The following LUZP2 variants were observed in gnomAD, a reference collection of about 807,000 sequenced individuals.
LUZP2 encodes the protein leucine zipper protein 2.
LUZP2 carries 52 observed loss-of-function variants against 51.6 expected under a neutral mutation model. The observed-to-expected ratio is 1.01, with a 90% confidence interval of 0.81 to 1.27. The LOEUF (loss-of-function observed/expected upper bound fraction) is 1.27, where lower values mean the gene tolerates loss of function less well. Ranked by LOEUF, LUZP2 falls within the 50% of genes most tolerant of loss-of-function variation. LUZP2 has a pLI of 0.00. For synonymous variants in LUZP2, 154 were observed against 137.3 expected (o/e 1.12, Z -0.85); for missense variants, 436 against 395.4 (o/e 1.10, Z -0.87).
chr11:24,603,344 C>T (rs778279155), intron 1 of LUZP2, among the ~76,000 whole-genome samples: 15 of 151,874 alleles, frequency 9.9e-5, no homozygotes, highest in Non-Finnish European at 1.8e-4. Context: ...GAAGAGAAGA[C>T]GATTTTCTAG....
intron 7 of LUZP2, among the ~76,000 whole-genome samples, chr11:24,922,167 G>A (rs1854083043): frequency 6.6e-6 from 1 of 152,008 alleles, no homozygotes. Flanking sequence ...TATATCATTG[G>A]ATTAAAATAC....
intron 1 of LUZP2, among the ~76,000 whole-genome samples, chr11:24,694,238 A>G (rs542966612): frequency 1.5e-4 from 23 of 151,624 alleles, no homozygotes; most frequent in African/African-American, 5.1e-4. Context: ...ATATTCTTCC[A>G]ATACATTATG....
At chr11:24,508,882 G>T (rs1850218760) in intron 1 of LUZP2, among the ~76,000 whole-genome samples, 1 of 151,988 alleles carries the variant, frequency 6.6e-6, no homozygotes, top group Non-Finnish European at 1.5e-5. Flanking sequence ...ATTAAAAAGG[G>T]GTAGAGATGA....
At chr11:24,612,363 G>C (rs974164341) in intron 1 of LUZP2, among the ~76,000 whole-genome samples, 2 of 152,014 alleles carry the variant, frequency 1.3e-5, no homozygotes, top group African/African-American at 4.8e-5. Context: ...CAAAATTCTA[G>C]AGTTGACTAA....
chr11:24,970,686 A>C (rs1855714768), intron 7 of LUZP2, among the ~76,000 whole-genome samples: 1 of 152,160 alleles, frequency 6.6e-6, no homozygotes, highest in African/African-American at 2.4e-5. Context: ...ACACAGTTAT[A>C]CCTTCATGTT....
chr11:24,999,806 T>C (rs1856626502), intron 9 of LUZP2, among the ~76,000 whole-genome samples: 1 of 152,336 alleles, frequency 6.6e-6, no homozygotes, highest in East Asian at 1.9e-4. Context: ...GTTGTTGGTC[T>C]CACTGACTTC....
rs187914366 is a variant in LUZP2 at position 24,898,601 on chromosome 11, C to T, written c.397-7390C>T. On this transcript the variant is annotated intron_variant, in intron 5 of 11. Transcript: ENST00000336930. The stretch of plus-strand genomic sequence containing the variant: ...TCGTGCCACTGTACTCCAGCCTGTG[C>T]GACAGAGCAAGACTCTGTGTCAGGA... Among the ~76,000 whole-genome samples, 121 of 149,332 alleles carry T rather than the reference C, an allele frequency of 8.1e-4. 1 individual carries two copies. Among genetic ancestry groups the T allele is most frequent in the African/African-American group, 2.7e-3 (109 of 40,410 alleles).
At chr11:24,520,099 G>A (rs1850596400) in intron 1 of LUZP2, among the ~76,000 whole-genome samples, 1 of 152,064 alleles carries the variant, frequency 6.6e-6, no homozygotes, top group South Asian at 2.1e-4. Context: ...AAATCCACAA[G>A]ATCTTTAGTT....
At chr11:24,923,830 G>A (rs1565115156) in intron 7 of LUZP2, among the ~76,000 whole-genome samples, 2 of 151,906 alleles carry the variant, frequency 1.3e-5, no homozygotes, top group South Asian at 2.1e-4. Flanking sequence ...CACAGGTAAG[G>A]GACAAAAATA....
At position 24,848,968 on chromosome 11, in the gene LUZP2, A is replaced by G. The variant is rs1306436100; in HGVS notation, c.397-57023A>G. On this transcript the variant is annotated intron_variant, in intron 5 of 11. Coordinates refer to ENST00000336930, the MANE Select transcript of LUZP2 (RefSeq NM_001009909.4). Reference sequence around the variant, plus strand: ...TTAAGGCCATATATGACAAACCCACAGCAAAACCCACAACCTAAGTGGGGA... The same window carrying G: ...TTAAGGCCATATATGACAAACCCACGGCAAAACCCACAACCTAAGTGGGGA... 3.9e-5 allele frequency among the ~76,000 whole-genome samples: 6 copies of G among 152,264 alleles called. No individual in the cohort carries two copies. The East Asian group carries it at 9.7e-4, about 25-fold the overall frequency.
At chr11:24,959,030 G>A (rs975668890) in intron 7 of LUZP2, among the ~76,000 whole-genome samples, 3 of 152,222 alleles carry the variant, frequency 2.0e-5, no homozygotes, top group Non-Finnish European at 2.9e-5. Flanking sequence ...CCCATTGCTT[G>A]TTTTTCTCAG....
intron 5 of LUZP2, among the ~76,000 whole-genome samples, chr11:24,774,041 A>G (rs530624901): frequency 2.6e-5 from 4 of 151,964 alleles, no homozygotes; most frequent in Non-Finnish European, 5.9e-5. Flanking sequence ...AAGGAGGTTA[A>G]CATTTGAGTC....
intron 1 of LUZP2, among the ~76,000 whole-genome samples, chr11:24,520,893 G>C (rs1397482504): frequency 6.6e-6 from 1 of 152,200 alleles, no homozygotes; most frequent in African/African-American, 2.4e-5. Context: ...GGGTTTTCCA[G>C]GGTTGCAGAC....
At chr11:24,999,355 GGAGGAGGAA>G (rs1385473821) in intron 9 of LUZP2, among the ~76,000 whole-genome samples, 1 of 151,796 alleles carries the variant, frequency 6.6e-6, no homozygotes, top group Non-Finnish European at 1.5e-5. Context: ...AAAAGAAGAA[GGAGGAGGAA>G]GAGGAGGAAG....
At chr11:24,727,669 G>T (rs969069591) in intron 1 of LUZP2, among the ~76,000 whole-genome samples, 2 of 151,958 alleles carry the variant, frequency 1.3e-5, no homozygotes, top group South Asian at 4.1e-4. Flanking sequence ...ATTTAACTTT[G>T]CCAGTGAGAC....
At chr11:24,664,420 T>A (rs1856142058) in intron 1 of LUZP2, among the ~76,000 whole-genome samples, 1 of 152,104 alleles carries the variant, frequency 6.6e-6, no homozygotes, top group Non-Finnish European at 1.5e-5. Flanking sequence ...AAAAACCCAT[T>A]TTCTGGGGAG....
intron 7 of LUZP2, among the ~76,000 whole-genome samples, chr11:24,964,705 A>G (rs1305119518): frequency 6.6e-6 from 1 of 152,092 alleles, no homozygotes. Flanking sequence ...AAATGGATTA[A>G]TAGTAACTTT....
chr11:24,721,167 A>C (rs948475481), intron 1 of LUZP2, among the ~76,000 whole-genome samples: 2 of 152,156 alleles, frequency 1.3e-5, no homozygotes, highest in Non-Finnish European at 2.9e-5. Flanking sequence ...TGACACAGGG[A>C]TTTCTATTCT....
At chr11:24,561,010 T>G (rs572162743) in intron 1 of LUZP2, among the ~76,000 whole-genome samples, 273 of 152,266 alleles carry the variant, frequency 1.8e-3, no homozygotes, top group African/African-American at 6.3e-3. Flanking sequence ...AGAGACATTT[T>G]TCCAAAGGAA....
Sources: allele counts gnomAD v4.1 joint callset (sites outside exome capture counted in the v4.1 genomes callset), GRCh38; gene constraint gnomAD v4.1.1; transcripts MANE v1.5; gene names NCBI Gene and HGNC (gene_info 2026-07-23, HGNC 2026-07-21).